The following MOK variants were observed in gnomAD, a reference collection of about 807,000 sequenced individuals.
MOK encodes MOK protein kinase.
Under a neutral mutation model 54.2 loss-of-function variants are expected in MOK, and 59 were observed. That is an observed-to-expected ratio of 1.09 (90% confidence interval 0.88 to 1.35). The LOEUF is 1.35. Among genes scored for constraint, MOK ranks in the 40% most tolerant of loss-of-function variants. MOK has a pLI of 0.00. For missense variants in MOK, 517 were observed against 526.2 expected (o/e 0.98, Z 0.17); for synonymous variants, 210 against 202.7 (o/e 1.04, Z -0.31).
chr14:102,227,582 G>T (rs1012058209), downstream of MOK, among the ~76,000 whole-genome samples: 2 of 152,190 alleles, frequency 1.3e-5, no homozygotes, highest in Non-Finnish European at 1.5e-5. Flanking sequence ...ATTATGGCAA[G>T]CCTCCCTTCC....
intron 1 of MOK, among the ~76,000 whole-genome samples, chr14:102,304,661 T>C (rs1373253703): frequency 6.6e-6 from 1 of 152,022 alleles, no homozygotes; most frequent in Non-Finnish European, 1.5e-5. Context: ...CTCCCTAAAC[T>C]CCAATGTAAG....
chr14:102,289,398 C>T (rs531512236), intron 1 of MOK, among the ~76,000 whole-genome samples: 1 of 152,314 alleles, frequency 6.6e-6, no homozygotes, highest in South Asian at 2.1e-4. Flanking sequence ...ATCCCTACTG[C>T]TAAGGTGCAA....
At chr14:102,224,329 T>C (rs1025998564), downstream of MOK, among the ~76,000 whole-genome samples, 1 of 152,038 alleles carries the variant, frequency 6.6e-6, no homozygotes. Context: ...CGTGAGCCAC[T>C]GCGCCCGGCC....
At chr14:102,289,021 G>A (rs1283427671) in intron 1 of MOK, among the ~76,000 whole-genome samples, 1 of 152,154 alleles carries the variant, frequency 6.6e-6, no homozygotes, top group Non-Finnish European at 1.5e-5. Flanking sequence ...TCCCACCTCA[G>A]CCTTCTGAGT....
intron 5 of MOK, 46 bp downstream of exon 5, chr14:102,251,871 A>G (rs766551453): frequency 6.5e-7 from 1 of 1,536,428 alleles, no homozygotes; most frequent in East Asian, 2.3e-5. Flanking sequence ...TCTGAATGTT[A>G]ACACATTTTA....
chr14:102,293,144 A>G (rs2070956681), intron 1 of MOK, among the ~76,000 whole-genome samples: 1 of 152,180 alleles, frequency 6.6e-6, no homozygotes, highest in Non-Finnish European at 1.5e-5. Context: ...AAAACAAAAA[A>G]CAAATGAACA....
intron 4 of MOK, among the ~76,000 whole-genome samples, chr14:102,262,731 T>C (rs1310680059): frequency 6.6e-6 from 1 of 152,252 alleles, no homozygotes; most frequent in Non-Finnish European, 1.5e-5. Flanking sequence ...TGTAAGATAA[T>C]ACACCATCTA....
At chr14:102,250,170 A>C (rs1045594367) in intron 7 of MOK, among the ~76,000 whole-genome samples, 20 of 152,200 alleles carry the variant, frequency 1.3e-4, no homozygotes, top group African/African-American at 4.8e-4. Context: ...AGGCGGGACC[A>C]GACTTTGACC....
At chr14:102,271,386 T>TG (rs1410779839) in intron 2 of MOK, among the ~76,000 whole-genome samples, 3 of 152,234 alleles carry the variant, frequency 2.0e-5, no homozygotes, top group African/African-American at 7.2e-5. Context: ...AACATCATTG[T>TG]GGGAGGGACC....
chr14:102,303,811 C>T (rs1286977036), intron 1 of MOK, among the ~76,000 whole-genome samples: 1 of 152,024 alleles, frequency 6.6e-6, no homozygotes, highest in Non-Finnish European at 1.5e-5. Flanking sequence ...AGCGAGCACA[C>T]AAAAATAAGG....
At chr14:102,223,629 TA>T (rs1182351118), downstream of MOK, 1 of 152,670 alleles carries the variant, frequency 6.6e-6, no homozygotes, top group African/African-American at 2.4e-5. Context: ...TTAAGAGTGA[TA>T]TTTCTAATTC....
intron 1 of MOK, among the ~76,000 whole-genome samples, chr14:102,295,221 G>C (rs547205471): frequency 1.2e-4 from 19 of 152,240 alleles, no homozygotes; most frequent in African/African-American, 3.8e-4. Flanking sequence ...AAGAAAAACA[G>C]ACTCAAGGAC....
intron 7 of MOK, among the ~76,000 whole-genome samples, chr14:102,241,545 T>A (rs2065718403): frequency 6.6e-6 from 1 of 152,226 alleles, no homozygotes; most frequent in South Asian, 2.1e-4. Flanking sequence ...CTCAACCCAG[T>A]TCATGGCCCG....
chr14:102,222,133 G>T (rs1182519060), downstream of MOK, among the ~76,000 whole-genome samples: 1 of 149,380 alleles, frequency 6.7e-6, no homozygotes, highest in African/African-American at 2.5e-5. The surrounding 1 kb of genome is among the most constrained non-coding windows in gnomAD (Gnocchi z 4.4). Context: ...CCGCCCTAAA[G>T]AGCCAGATGC....
chr14:102,246,825 G>A (rs909609532), intron 7 of MOK, among the ~76,000 whole-genome samples: 1 of 152,082 alleles, frequency 6.6e-6, no homozygotes, highest in African/African-American at 2.4e-5. Context: ...CAGCACCACT[G>A]TGCGCCAGCG....
At chr14:102,224,430 C>G (rs1271172706), downstream of MOK, 3 of 377,254 alleles carry the variant, frequency 8.0e-6, no homozygotes, top group African/African-American at 6.3e-5. Context: ...TACTGGAATC[C>G]CAACAGAATG....
intron 1 of MOK, among the ~76,000 whole-genome samples, chr14:102,296,737 T>C (rs557944757): frequency 6.6e-6 from 1 of 152,152 alleles, no homozygotes; most frequent in African/African-American, 2.4e-5. Flanking sequence ...CTAGGCAACA[T>C]GGTGAGACCC....
At chr14:102,260,676 T>C (rs913458104) in intron 4 of MOK, 7 of 152,126 alleles carry the variant, frequency 4.6e-5, no homozygotes, top group African/African-American at 1.7e-4. Context: ...GCCTGGCCTA[T>C]GGAAGACAAT....
At chr14:102,251,113 C>G in intron 6 of MOK, 123 bp from the exon 7 acceptor site, 2 of 1,051,566 alleles carry the variant, frequency 1.9e-6, no homozygotes, top group Non-Finnish European at 2.7e-6. Flanking sequence ...CTGTAAAATA[C>G]AAATTACTGG....
Sources: allele counts gnomAD v4.1 joint callset (sites outside exome capture counted in the v4.1 genomes callset), GRCh38; gene constraint gnomAD v4.1.1; non-coding constraint Gnocchi (gnomAD v3.1); transcripts MANE v1.5; gene names NCBI Gene and HGNC (gene_info 2026-07-23, HGNC 2026-07-21).